BCCIP: variants seen among roughly 807,000 people sequenced by gnomAD.
BCCIP encodes the protein BRCA2 and CDKN1A-interacting protein.
A neutral mutation model predicts 32.8 loss-of-function variants in BCCIP; 23 were observed. The observed-to-expected ratio is 0.70, with a 90% CI of 0.51 to 0.99. The LOEUF (loss-of-function observed/expected upper bound fraction) is 0.99. BCCIP is among the 50% of genes least tolerant of loss of function. The pLI is 0.00. For missense variants in BCCIP, 378 were observed against 379.8 expected, an observed-to-expected ratio of 1.00 and a Z score of 0.04; for synonymous variants, 144 against 137.6, an observed-to-expected ratio of 1.05 and a Z score of -0.33.
chr10:125,844,846 G>A (rs921351452), downstream of BCCIP, among the ~76,000 whole-genome samples: 4 of 152,178 alleles, frequency 2.6e-5, no homozygotes, highest in Admixed American at 6.5e-5. Flanking sequence ...TATTAAGCTC[G>A]CTTGCCAGCG....
chr10:125,843,381 C>T (rs1241413795), downstream of BCCIP, among the ~76,000 whole-genome samples: 1 of 152,026 alleles, frequency 6.6e-6, no homozygotes, highest in East Asian at 1.9e-4. Context: ...GAGGCCGAGG[C>T]GGGAGGATCA....
At chr10:125,834,035 C>G (rs923416220) in intron 6 of BCCIP, 89 bp downstream of exon 6, 1 of 1,420,386 alleles carries the variant, frequency 7.0e-7, no homozygotes, top group African/African-American at 1.4e-5. Context: ...CACTTTAGGT[C>G]CAAGTCTTTC....
chr10:125,824,265 T>C (rs1428502000), intron 1 of BCCIP, among the ~76,000 whole-genome samples: 4 of 152,334 alleles, frequency 2.6e-5, no homozygotes, highest in African/African-American at 9.6e-5. Context: ...TGGGTAAATC[T>C]TTGGTTTCAT....
intron 3 of BCCIP, among the ~76,000 whole-genome samples, chr10:125,828,184 T>C (rs1204645344): frequency 1.3e-5 from 2 of 152,030 alleles, no homozygotes; most frequent in Non-Finnish European, 2.9e-5. Context: ...CCTGATTGGG[T>C]CTGAAAGTGA....
At chr10:125,846,383 A>G (rs749634107), downstream of BCCIP, among the ~76,000 whole-genome samples, 3 of 152,232 alleles carry the variant, frequency 2.0e-5, no homozygotes, top group Non-Finnish European at 2.9e-5. Flanking sequence ...ATGACCATAC[A>G]GTGGGTGTTT....
downstream of BCCIP, chr10:125,836,967 A>G (rs1385500806): frequency 2.0e-5 from 18 of 885,136 alleles, no homozygotes; most frequent in Middle Eastern, 8.2e-4. Context: ...TAGAACCGGT[A>G]TTTAATTTGA....
chr10:125,831,712 T>C, intron 5 of BCCIP, 105 bp downstream of exon 5: 1 of 1,152,098 alleles, frequency 8.7e-7, no homozygotes, highest in Non-Finnish European at 1.2e-6. Flanking sequence ...GTTCTGTCCT[T>C]GGTTTAAGTG....
downstream of BCCIP, chr10:125,841,011 A>G: frequency 6.3e-7 from 1 of 1,591,302 alleles, no homozygotes; most frequent in Non-Finnish European, 8.6e-7. Flanking sequence ...AAAATGAAAA[A>G]GGTCACATGG....
downstream of BCCIP, among the ~76,000 whole-genome samples, chr10:125,843,803 G>T (rs748776393): frequency 1.3e-5 from 2 of 152,178 alleles, no homozygotes; most frequent in African/African-American, 4.8e-5. Flanking sequence ...TCAGCCTGAC[G>T]CGCCCACCAC....
chr10:125,826,700 C>T (rs1285139885), intron 2 of BCCIP, 35 bp downstream of exon 2: 6 of 1,607,726 alleles, frequency 3.7e-6, no homozygotes, highest in Non-Finnish European at 5.1e-6. Flanking sequence ...TAAATTTCCT[C>T]TTCTAAGAAA....
rs142037862 is a variant in BCCIP at position 125,850,695 on chromosome 10, C to T, written c.851-2430C>T. Reference sequence around the variant, plus strand: ...TGCATTTTCCCCTGTTTTCATGAGGCGTTGCCTTATCTAACGTGCCATGCC... The same window carrying T: ...TGCATTTTCCCCTGTTTTCATGAGGTGTTGCCTTATCTAACGTGCCATGCC... On this transcript the variant is annotated intron_variant, in intron 7 of 7. Coordinates refer to the BCCIP transcript ENST00000368759. 5.6e-4 allele frequency among the ~76,000 whole-genome samples: 86 copies of T among 152,286 alleles called. 1 individual carries two copies. The East Asian group carries it at 0.016, about 29-fold the overall frequency.
rs779784228 is a variant in BCCIP at position 125,823,614 on chromosome 10, T to A, written c.57T>A (p.Asp19Glu). Residue 19 changes from aspartate to glutamate, a missense_variant, in exon 1 of 7, where the codon GAT (aspartate) becomes GAA (glutamate). Asp to Glu is a conservative substitution (Grantham distance 45, BLOSUM62 2). Transcript: ENST00000278100. Reference protein sequence around the residue: ...AVESGVPQPPDPPVQRDEEEE... With the variant: ...AVESGVPQPPEPPVQRDEEEE... ...AAAGTGGGGTTCCGCAGCCGCCGGATCCCCCAGTCCAGCGCGACGAGGAAG... is the reference window on the plus strand; with the variant it reads ...AAAGTGGGGTTCCGCAGCCGCCGGAACCCCCAGTCCAGCGCGACGAGGAAG... The A allele has an allele frequency of 6.2e-7, 1 of 1,613,066 alleles. No individual in the cohort carries two copies. The highest frequency in any genetic ancestry group is 2.2e-5 in the East Asian group (1 of 44,810).
At chr10:125,842,098 T>C (rs1854897951) in exon 7 of BCCIP, 2 of 935,758 alleles carry the variant, frequency 2.1e-6, no homozygotes, top group South Asian at 4.3e-5. Context: ...ATAGTGATTC[T>C]TGAGAGGGCA....
chr10:125,827,456 T>G, intron 2 of BCCIP, 102 bp from the exon 3 acceptor site: 1 of 787,028 alleles, frequency 1.3e-6, no homozygotes. Context: ...GATCATCATC[T>G]TAAGTCACAG....
At chr10:125,838,235 G>A, downstream of BCCIP, 2 of 1,611,180 alleles carry the variant, frequency 1.2e-6, no homozygotes, top group Non-Finnish European at 8.5e-7. Context: ...AGGTAATCCT[G>A]ATGTAGTTGT....
downstream of BCCIP, among the ~76,000 whole-genome samples, chr10:125,843,983 C>A (rs978406856): frequency 6.6e-6 from 1 of 152,186 alleles, no homozygotes; most frequent in Non-Finnish European, 1.5e-5. Context: ...AGATTTAAAA[C>A]TGAGCAGAAG....
chr10:125,841,450 C>T (rs1026630578), downstream of BCCIP: 3 of 1,541,334 alleles, frequency 1.9e-6, no homozygotes, highest in African/African-American at 2.8e-5. Flanking sequence ...TCTAGTGACA[C>T]ATTTTCTTCA....
chr10:125,834,296 T>A (rs1854595418), intron 6 of BCCIP, among the ~76,000 whole-genome samples: 1 of 152,202 alleles, frequency 6.6e-6, no homozygotes, highest in Non-Finnish European at 1.5e-5. Context: ...TTTACAGATG[T>A]GGACTTTAAG....
downstream of BCCIP, among the ~76,000 whole-genome samples, chr10:125,843,822 G>T (rs950207156): frequency 6.6e-6 from 1 of 152,200 alleles, no homozygotes; most frequent in Non-Finnish European, 1.5e-5. Flanking sequence ...ACAGGCAAAA[G>T]ATCTGCTACT....
Sources: allele counts gnomAD v4.1 joint callset (sites outside exome capture counted in the v4.1 genomes callset), GRCh38; gene constraint gnomAD v4.1.1; transcripts MANE v1.5; gene names NCBI Gene and HGNC (gene_info 2026-07-23, HGNC 2026-07-21).